Variants in NCKAP5 observed in about 807,000 individuals in gnomAD.
The protein encoded by NCKAP5 is NCK associated protein 5.
NCKAP5 carries 92 observed loss-of-function variants against 167.0 expected under a neutral mutation model. That is an observed-to-expected ratio of 0.55 (90% CI 0.47 to 0.66). The LOEUF (loss-of-function observed/expected upper bound fraction) is 0.66. Ranked by LOEUF, NCKAP5 falls within the 30% of genes least tolerant of loss-of-function variation. NCKAP5 has a pLI of 0.00. For synonymous variants in NCKAP5, 891 were observed against 877.4 expected (o/e 1.02, Z -0.27); for missense variants, 2,378 against 2,315.0 (o/e 1.03, Z -0.56).
chr2:133,289,580 A>G (rs1042143837), intron 4 of NCKAP5, among the ~76,000 whole-genome samples: 1 of 152,058 alleles, frequency 6.6e-6, no homozygotes, highest in Non-Finnish European at 1.5e-5. Flanking sequence ...TGTCTCTACT[A>G]AAAGTACAAA....
At chr2:133,611,656 A>C in the NCKAP5 span, among the ~76,000 whole-genome samples, 3 of 152,120 alleles carry the variant, frequency 2.0e-5, no homozygotes, top group Middle Eastern at 3.2e-3. Flanking sequence ...TATTCTACCA[A>C]AGATAAAAAG....
chr2:133,224,314 T>C (rs1413541855), intron 4 of NCKAP5, among the ~76,000 whole-genome samples: 1 of 152,140 alleles, frequency 6.6e-6, no homozygotes, highest in Non-Finnish European at 1.5e-5. Flanking sequence ...CACAAACATA[T>C]CCTTAATAAA....
chr2:133,336,498 G>A (rs1683216101), intron 3 of NCKAP5, among the ~76,000 whole-genome samples: 1 of 152,128 alleles, frequency 6.6e-6, no homozygotes, highest in Non-Finnish European at 1.5e-5. Context: ...TGTTTCAAAA[G>A]AAAGTTAATG....
At chr2:133,148,055 G>T (rs2083262522) in intron 5 of NCKAP5, among the ~76,000 whole-genome samples, 1 of 152,056 alleles carries the variant, frequency 6.6e-6, no homozygotes, top group Non-Finnish European at 1.5e-5. Context: ...AGTAATTAAA[G>T]AAATCTCATT....
chr2:133,534,085 G>A (rs1685572527), intron 2 of NCKAP5, among the ~76,000 whole-genome samples: 1 of 152,134 alleles, frequency 6.6e-6, no homozygotes, highest in Non-Finnish European at 1.5e-5. Context: ...GGTTTCAGTG[G>A]AGGTTAGAAA....
At chr2:133,457,238 T>C (rs1033738086) in intron 3 of NCKAP5, among the ~76,000 whole-genome samples, 1 of 152,190 alleles carries the variant, frequency 6.6e-6, no homozygotes, top group African/African-American at 2.4e-5. Flanking sequence ...TTTATAAACC[T>C]CCATTAATCA....
chr2:132,758,616 A>T (rs1431797517), intron 16 of NCKAP5, among the ~76,000 whole-genome samples: 1 of 152,128 alleles, frequency 6.6e-6, no homozygotes, highest in East Asian at 1.9e-4. Flanking sequence ...CTTCAGAATG[A>T]TAACCTGAAA....
At chr2:133,381,622 G>A (rs1686528669) in intron 3 of NCKAP5, 1 of 152,190 alleles carries the variant, frequency 6.6e-6, no homozygotes, top group African/African-American at 2.4e-5. Context: ...CTCTTACACA[G>A]GAGGAAATAC....
At chr2:133,353,993 G>A (rs1482417528) in intron 3 of NCKAP5, among the ~76,000 whole-genome samples, 2 of 152,172 alleles carry the variant, frequency 1.3e-5, no homozygotes, top group Non-Finnish European at 2.9e-5. Context: ...GGTCCATTGA[G>A]GTGGTTAACA....
the NCKAP5 span, among the ~76,000 whole-genome samples, chr2:133,662,257 C>G: frequency 6.6e-6 from 1 of 152,096 alleles, no homozygotes; most frequent in Admixed American, 6.5e-5. Context: ...TCCAAATGCT[C>G]TCTCTGAAAA....
rs373019532 is a variant in NCKAP5 at position 133,548,589 on chromosome 2, C to A, written c.-62+10461G>T. Among the ~76,000 whole-genome samples the A allele has an allele frequency of 2.8e-3, 430 of 151,300 alleles. 3 individuals are homozygous for A. Among genetic ancestry groups the A allele is most frequent in the African/African-American group, 8.6e-3 (353 of 40,864 alleles). On this transcript the variant is annotated intron_variant, in intron 2 of 19. Coordinates refer to ENST00000409261, the MANE Select transcript of NCKAP5 (RefSeq NM_207363.3). Reference sequence around the variant, plus strand: ...GGCCAATATTCAACATTCTTAAAGACAAGAATTTTCAACCCAGAATTTCAT... The same window carrying A: ...GGCCAATATTCAACATTCTTAAAGAAAAGAATTTTCAACCCAGAATTTCAT...
At chr2:132,902,532 C>T (rs2148916533) in intron 8 of NCKAP5, among the ~76,000 whole-genome samples, 1 of 152,322 alleles carries the variant, frequency 6.6e-6, no homozygotes, top group Admixed American at 6.5e-5. Flanking sequence ...TTTGTCACAT[C>T]CTGTAGAGTA....
intron 19 of NCKAP5, among the ~76,000 whole-genome samples, chr2:132,710,053 T>C (rs974583334): frequency 7.2e-5 from 11 of 152,170 alleles, no homozygotes; most frequent in Non-Finnish European, 1.3e-4. Flanking sequence ...ATCTCAAGGA[T>C]GTAAGACTGG....
At chr2:133,090,833 C>T (rs536227905) in intron 6 of NCKAP5, among the ~76,000 whole-genome samples, 12 of 152,230 alleles carry the variant, frequency 7.9e-5, no homozygotes, top group South Asian at 4.2e-4. Flanking sequence ...CTATTTCAAA[C>T]GCTCTACTCA....
chr2:133,168,749 T>C (rs958823915), intron 5 of NCKAP5, among the ~76,000 whole-genome samples: 1 of 152,200 alleles, frequency 6.6e-6, no homozygotes, highest in Non-Finnish European at 1.5e-5. Flanking sequence ...ATATTTAAAA[T>C]TCGCTTCAAT....
At chr2:132,745,576 C>T (rs1679569360) in intron 16 of NCKAP5, among the ~76,000 whole-genome samples, 2 of 151,720 alleles carry the variant, frequency 1.3e-5, no homozygotes, top group Admixed American at 1.3e-4. Flanking sequence ...TTCCATTTAA[C>T]ATTATAGTGG....
chr2:133,457,506 G>T (rs1042549966), intron 3 of NCKAP5, among the ~76,000 whole-genome samples: 2 of 152,124 alleles, frequency 1.3e-5, no homozygotes, highest in African/African-American at 4.8e-5. Flanking sequence ...GCTTTTAAAA[G>T]ATTTTACAGC....
chr2:133,544,276 T>C lies in NCKAP5; in HGVS notation c.-62+14774A>G, dbSNP rs565639731. ...CAGAATATTCTATTATTAAAATATA[T>C]ACAAATATACACGTGTATACACAAA... On this transcript the variant is annotated intron_variant, in intron 2 of 19. Transcript: ENST00000409261. 2.2e-4 allele frequency among the ~76,000 whole-genome samples: 34 copies of C among 152,312 alleles called. No homozygotes were observed. In the East Asian group the frequency reaches 5.6e-3, roughly 25 times the overall value.
the NCKAP5 span, among the ~76,000 whole-genome samples, chr2:133,588,824 A>T: frequency 2.6e-5 from 4 of 152,158 alleles, no homozygotes; most frequent in African/African-American, 9.7e-5. Flanking sequence ...GAAGCAAACC[A>T]TGAGACTATT....
Sources: gnomAD v4.1 joint callset for allele counts (sites outside exome capture counted in the v4.1 genomes callset) on GRCh38, gnomAD v4.1.1 for gene constraint, MANE v1.5 for transcripts, NCBI Gene and HGNC (gene_info 2026-07-23, HGNC 2026-07-21) for gene names.